The following SRGAP2C variants were observed in gnomAD, a reference collection of about 807,000 sequenced individuals.
SRGAP2C encodes the protein SLIT-ROBO Rho GTPase activating protein 2C.
Under a neutral mutation model 25.1 loss-of-function variants are expected in SRGAP2C, and 15 were observed. The ratio of observed to expected loss-of-function variants is 0.60; its 90% CI spans 0.40 to 0.92. SRGAP2C has a LOEUF of 0.92. Ranked by LOEUF, SRGAP2C falls within the 40% of genes least tolerant of loss-of-function variation. The pLI, the probability that SRGAP2C is intolerant of heterozygous loss-of-function variation, is 0.00. For synonymous variants in SRGAP2C, 44 were observed against 96.6 expected (o/e 0.46, Z 3.19); for missense variants, 144 against 264.4 (o/e 0.54, Z 3.16).
chr1:121,192,162 A>G (rs587722577), intron 2 of SRGAP2C, among the ~76,000 whole-genome samples: 44 of 151,344 alleles, frequency 2.9e-4, no homozygotes, highest in African/African-American at 1.1e-3. Flanking sequence ...GCAATTTTTC[A>G]TTCATGCCAA....
At chr1:121,345,383 A>G (rs1570795300) in intron 4 of SRGAP2C, among the ~76,000 whole-genome samples, 1 of 151,852 alleles carries the variant, frequency 6.6e-6, no homozygotes, top group African/African-American at 2.4e-5. Context: ...TTTTAGAAAG[A>G]TTACTCTGAA....
At chr1:121,372,117 G>T (rs1489257474) in intron 5 of SRGAP2C, among the ~76,000 whole-genome samples, 3 of 151,052 alleles carry the variant, frequency 2.0e-5, no homozygotes, top group Non-Finnish European at 4.4e-5. Flanking sequence ...GTTAGGTTCA[G>T]AATGAGGTGA....
chr1:121,363,561 TG>T (rs1659250201), intron 4 of SRGAP2C, among the ~76,000 whole-genome samples: 1 of 117,518 alleles, frequency 8.5e-6, no homozygotes, highest in Non-Finnish European at 1.7e-5. Context: ...GGCATTTTAG[TG>T]GTATAAATGG....
chr1:121,190,900 G>C, intron 2 of SRGAP2C, among the ~76,000 whole-genome samples: 2 of 145,784 alleles, frequency 1.4e-5, no homozygotes, highest in Middle Eastern at 6.9e-3. Context: ...CTTGATTTTT[G>C]CCTCCCTATA....
chr1:121,202,432 T>G (rs1388208139), intron 2 of SRGAP2C, among the ~76,000 whole-genome samples: 11 of 94,360 alleles, frequency 1.2e-4, no homozygotes, highest in Non-Finnish European at 2.4e-4. Context: ...GTATGTTGTC[T>G]TTTTTTTTTT....
At chr1:121,237,607 G>T (rs1403406405) in intron 2 of SRGAP2C, among the ~76,000 whole-genome samples, 5 of 151,822 alleles carry the variant, frequency 3.3e-5, no homozygotes, top group African/African-American at 1.2e-4. Flanking sequence ...TAGATGCTAA[G>T]TAAGGAGGTC....
rs1659600965 is a variant in SRGAP2C at position 121,374,935 on chromosome 1, A to G, written c.812A>G (p.Asp271Gly). 1 of 777,514 alleles carries G rather than the reference A, an allele frequency of 1.3e-6. No individual in the cohort carries two copies. The highest frequency in any genetic ancestry group is 1.7e-5 in the African/African-American group (1 of 59,062). 48.2% of individuals were successfully genotyped at this position (777,514 alleles called of 1,614,324 possible). ...NASVFKYYIH[D>G]LSDLIDQCCD... ...TCTGTCTTCAAGTACTACATCCATGACCTATCTGACCTTATTGATGTAAGT... is the reference window on the plus strand; with the variant it reads ...TCTGTCTTCAAGTACTACATCCATGGCCTATCTGACCTTATTGATGTAAGT... Residue 271 changes from aspartate to glycine, a missense_variant, in exon 7 of 10, where the codon GAC becomes GGC. Physicochemically the swap from Asp to Gly is moderately conservative, Grantham distance 94. Around this residue, in one of 5 missense-constraint regions of SRGAP2C, gnomAD observed 34 missense variants for 23.0 expected, o/e 1.48. Coordinates refer to ENST00000367123, the MANE Select transcript of SRGAP2C (RefSeq NM_001329984.2).
chr1:121,272,453 G>A (rs1656996077), intron 2 of SRGAP2C, among the ~76,000 whole-genome samples: 1 of 151,540 alleles, frequency 6.6e-6, no homozygotes, highest in Non-Finnish European at 1.5e-5. Context: ...CTAGATGATG[G>A]CATGGACTTT....
At chr1:121,300,220 A>T (rs1342778416) in intron 3 of SRGAP2C, among the ~76,000 whole-genome samples, 1 of 85,652 alleles carries the variant, frequency 1.2e-5, no homozygotes, top group Non-Finnish European at 2.5e-5. Context: ...TTTCTACAGA[A>T]AAAAGGTTTG....
chr1:121,259,891 C>A (rs1553333226), intron 2 of SRGAP2C, among the ~76,000 whole-genome samples: 1 of 105,534 alleles, frequency 9.5e-6, no homozygotes, highest in Non-Finnish European at 1.8e-5. Flanking sequence ...CTCTCTCTCT[C>A]TTGCCCAGGT....
chr1:121,262,925 A>G (rs1656661370), intron 2 of SRGAP2C, among the ~76,000 whole-genome samples: 1 of 149,632 alleles, frequency 6.7e-6, no homozygotes, highest in African/African-American at 2.4e-5. Context: ...TTTTCCTCTA[A>G]AAGTATTCTA....
intron 4 of SRGAP2C, among the ~76,000 whole-genome samples, chr1:121,329,259 C>A (rs1162492866): frequency 2.0e-5 from 3 of 152,140 alleles, no homozygotes; most frequent in Non-Finnish European, 4.4e-5. Flanking sequence ...ATGAAGCTAA[C>A]GTTTAACTCC....
chr1:121,372,212 T>G (rs2101660351), intron 5 of SRGAP2C, among the ~76,000 whole-genome samples: 1 of 152,238 alleles, frequency 6.6e-6, no homozygotes. Context: ...CCAGTATTCT[T>G]TATTCTTTCG....
At chr1:121,249,571 TA>T (rs1656300750) in intron 2 of SRGAP2C, among the ~76,000 whole-genome samples, 2 of 23,878 alleles carry the variant, frequency 8.4e-5, no homozygotes, top group East Asian at 1.0e-3. Flanking sequence ...TATATATATA[TA>T]TATATATATT....
At chr1:121,204,599 T>C (rs1655071603) in intron 2 of SRGAP2C, among the ~76,000 whole-genome samples, 1 of 152,212 alleles carries the variant, frequency 6.6e-6, no homozygotes, top group Non-Finnish European at 1.5e-5. Context: ...GACAACTCTT[T>C]TAGGCCATCT....
chr1:121,202,716 C>CT (rs2101397451), intron 2 of SRGAP2C, among the ~76,000 whole-genome samples: 1 of 151,930 alleles, frequency 6.6e-6, no homozygotes, highest in African/African-American at 2.4e-5. Context: ...CGTGAGCCAC[C>CT]GTACCTGGCC....
At chr1:121,379,263 G>A (rs1659750152) in intron 7 of SRGAP2C, among the ~76,000 whole-genome samples, 2 of 151,962 alleles carry the variant, frequency 1.3e-5, no homozygotes, top group Admixed American at 1.3e-4. Flanking sequence ...GAGTCTCTGG[G>A]TGAAGATATC....
intron 2 of SRGAP2C, among the ~76,000 whole-genome samples, chr1:121,191,047 G>A (rs1260465991): frequency 6.6e-6 from 1 of 152,186 alleles, no homozygotes; most frequent in Non-Finnish European, 1.5e-5. Flanking sequence ...ATTGTTTCTG[G>A]TTTGTGGGTG....
chr1:121,321,165 G>T (rs1553341095), intron 3 of SRGAP2C, among the ~76,000 whole-genome samples: 28 of 142,476 alleles, frequency 2.0e-4, no homozygotes, highest in Non-Finnish European at 3.6e-4. Flanking sequence ...GGTATCTAAC[G>T]CAGGGAAACT....
Sources: allele counts gnomAD v4.1 joint callset (sites outside exome capture counted in the v4.1 genomes callset), GRCh38; gene constraint gnomAD v4.1.1; regional missense constraint gnomAD v4.1.1; transcripts MANE v1.5; gene names NCBI Gene and HGNC (gene_info 2026-07-23, HGNC 2026-07-21).